Variants in CEPT1 observed in about 807,000 individuals in gnomAD.
CEPT1 encodes the protein choline/ethanolamine phosphotransferase 1.
Under a neutral mutation model 42.6 loss-of-function variants are expected in CEPT1, and 7 were observed. That is an observed-to-expected ratio of 0.16 (90% CI 0.09 to 0.31). CEPT1 has a LOEUF of 0.31. CEPT1 is among the 10% of genes least tolerant of loss of function. CEPT1 has a pLI of 1.00. For missense variants in CEPT1, 306 were observed against 502.1 expected, an observed-to-expected ratio of 0.61 and a Z score of 3.73; for synonymous variants, 171 against 171.9, an observed-to-expected ratio of 0.99 and a Z score of 0.04.
In CEPT1 at chr1:111,147,297, C is replaced by T. The variant is rs147727775; in HGVS notation, c.-73-345C>T. Among the ~76,000 whole-genome samples, 317 of 152,194 alleles carry T rather than the reference C, an allele frequency of 2.1e-3. 1 individual carries two copies. Among genetic ancestry groups the T allele is most frequent in the African/African-American group, 7.2e-3 (298 of 41,506 alleles). On this transcript the variant is annotated intron_variant, in intron 1 of 8. Coordinates refer to ENST00000357172, the MANE Select transcript of CEPT1 (RefSeq NM_006090.5). ...TTGCTAGCCTTGGGACCTCAGTTTC[C>T]GTATATGTGTAATGATGAGATGATT...
chr1:111,162,127 A>C (rs1655906340), intron 4 of CEPT1, among the ~76,000 whole-genome samples: 1 of 152,212 alleles, frequency 6.6e-6, no homozygotes, highest in Admixed American at 6.5e-5. Flanking sequence ...GTGCTCTGCC[A>C]AGAAATATGA....
intron 2 of CEPT1, among the ~76,000 whole-genome samples, chr1:111,154,280 GA>G (rs1034255216): frequency 1.3e-5 from 2 of 148,912 alleles, no homozygotes; most frequent in African/African-American, 4.9e-5. Context: ...TTGCCTTCTT[GA>G]TTTTTTTCCA....
At chr1:111,182,342 A>G (rs1343106857) in intron 6 of CEPT1, 24 bp downstream of exon 6, 1 of 1,602,606 alleles carries the variant, frequency 6.2e-7, no homozygotes, top group Non-Finnish European at 8.5e-7. Flanking sequence ...AAGATTTTCA[A>G]CACTTGTTTA....
intron 5 of CEPT1, chr1:111,178,930 G>A (rs1377321269): frequency 6.6e-6 from 1 of 152,136 alleles, no homozygotes; most frequent in African/African-American, 2.4e-5. Context: ...ATTTTCCTTT[G>A]TAGACACTGT....
chr1:111,164,522 A>C (rs1009588674), intron 4 of CEPT1, among the ~76,000 whole-genome samples: 18 of 152,236 alleles, frequency 1.2e-4, no homozygotes, highest in Non-Finnish European at 2.2e-4. Flanking sequence ...TTTATATCTT[A>C]AATTATACTG....
chr1:111,161,307 C>T lies in CEPT1; in HGVS notation c.629+11C>T. ...ATTGCGATTTGGAATGTAAGTAATA[C>T]TTAATGGTAATTTTTGTTTTCTCTT... On this transcript the variant is annotated intron_variant, in intron 4 of 8. Coordinates refer to ENST00000357172, the MANE Select transcript of CEPT1 (RefSeq NM_006090.5). 2.5e-6 allele frequency: 4 copies of T among 1,585,812 alleles called. No homozygotes were observed. Among genetic ancestry groups the T allele is most frequent in the Non-Finnish European group, 2.6e-6 (3 of 1,167,938 alleles).
chr1:111,153,068 A>G (rs1459248806), intron 2 of CEPT1, among the ~76,000 whole-genome samples: 1 of 151,518 alleles, frequency 6.6e-6, no homozygotes, highest in Non-Finnish European at 1.5e-5. Context: ...ACTAGAACTT[A>G]CTCCTCCTAC....
intron 5 of CEPT1, 83 bp from the exon 6 acceptor site, chr1:111,182,104 T>G: frequency 3.6e-6 from 4 of 1,109,546 alleles, no homozygotes; most frequent in East Asian, 5.3e-5. Flanking sequence ...GGAAAGTTTT[T>G]GGGAATATGA....
At chr1:111,168,771 G>A (rs1248400534) in intron 4 of CEPT1, among the ~76,000 whole-genome samples, 2 of 152,208 alleles carry the variant, frequency 1.3e-5, no homozygotes, top group Non-Finnish European at 2.9e-5. Flanking sequence ...ATATTTCAGT[G>A]TTGTAAATCC....
At chr1:111,146,403 A>G (rs907654122) in intron 1 of CEPT1, among the ~76,000 whole-genome samples, 1 of 152,112 alleles carries the variant, frequency 6.6e-6, no homozygotes, top group Non-Finnish European at 1.5e-5. Context: ...TTCTTTTCCA[A>G]CTTGCCCTTT....
chr1:111,149,091 T>G (rs564795271), intron 2 of CEPT1, among the ~76,000 whole-genome samples: 2 of 152,154 alleles, frequency 1.3e-5, no homozygotes, highest in African/African-American at 4.8e-5. Flanking sequence ...TTTGTCTGTT[T>G]CCATAGGTTA....
chr1:111,185,009 C>T lies in CEPT1; in HGVS notation c.*699C>T, dbSNP rs1657195372. 1 of 152,256 alleles carries T rather than the reference C, an allele frequency of 6.6e-6. No individual in the cohort carries two copies. The highest frequency in any genetic ancestry group is 1.5e-5 in the Non-Finnish European group (1 of 67,936). The allele number at this position is 152,256 out of a possible 1,614,324, so 9.4% of individuals were successfully genotyped here. A position where few individuals can be genotyped will look rare whatever the true frequency, so the allele number is the denominator to read the frequency against. On this transcript the variant is annotated 3_prime_UTR_variant, in exon 9 of 9. Transcript: ENST00000357172. Reference sequence around the variant, plus strand: ...AAGCCAACTTTTTCTCAGTTTTACTCAGTGGAAAGATAAACTAAGTTTTAA... The same window carrying T: ...AAGCCAACTTTTTCTCAGTTTTACTTAGTGGAAAGATAAACTAAGTTTTAA...
At chr1:111,156,001 T>G (rs1655550303) in intron 2 of CEPT1, among the ~76,000 whole-genome samples, 1 of 152,212 alleles carries the variant, frequency 6.6e-6, no homozygotes, top group Non-Finnish European at 1.5e-5. Context: ...ACGTTGTTTA[T>G]TTGAAATCTT....
Position 111,149,266 on chromosome 1 carries a change from C to CTTTTTTTTTTTTTTTTTTTT in CEPT1, c.339+1227_339+1228insTTTTTTTTTTTTTTTTTTTT, listed in dbSNP as rs775722606. 2.9e-3 allele frequency among the ~76,000 whole-genome samples: 366 copies of CTTTTTTTTTTTTTTTTTTTT among 127,774 alleles called. 15 individuals are homozygous for CTTTTTTTTTTTTTTTTTTTT. Among genetic ancestry groups the CTTTTTTTTTTTTTTTTTTTT allele is most frequent in the Middle Eastern group, 8.3e-3 (2 of 240 alleles). 83.8% of individuals were successfully genotyped at this position (127,774 alleles called of 152,430 possible). ...ATAGATGTAAAATCTGGTTTCTCCT[C>CTTTTTTTTTTTTTTTTTTTT]TTTTTTTTTTTTTTGAGACAGGGTC... is the stretch of plus-strand genomic sequence containing the variant. On this transcript the variant is annotated intron_variant, in intron 2 of 8. Transcript: ENST00000357172.
chr1:111,151,787 C>T (rs1655291840), intron 2 of CEPT1, among the ~76,000 whole-genome samples: 1 of 152,156 alleles, frequency 6.6e-6, no homozygotes, highest in Non-Finnish European at 1.5e-5. Flanking sequence ...CACATTTTCC[C>T]CCACAAAGAA....
chr1:111,159,559 T>C, intron 3 of CEPT1, 32 bp downstream of exon 3: 1 of 1,554,468 alleles, frequency 6.4e-7, no homozygotes, highest in Non-Finnish European at 8.8e-7. Context: ...TTATTGATTA[T>C]TAACAATGGT....
intron 5 of CEPT1, 88 bp from the exon 6 acceptor site, chr1:111,182,099 G>T (rs1657022283): frequency 9.3e-7 from 1 of 1,074,400 alleles, no homozygotes; most frequent in East Asian, 2.7e-5. Context: ...GGAATGGAAA[G>T]TTTTTGGGAA....
intron 2 of CEPT1, among the ~76,000 whole-genome samples, chr1:111,156,967 C>T (rs889214887): frequency 1.3e-5 from 2 of 152,154 alleles, no homozygotes; most frequent in African/African-American, 4.8e-5. Flanking sequence ...TTCCCATACA[C>T]TTATCAGGAC....
chr1:111,155,499 A>T (rs1189020171), intron 2 of CEPT1, among the ~76,000 whole-genome samples: 1 of 151,740 alleles, frequency 6.6e-6, no homozygotes, highest in Non-Finnish European at 1.5e-5. Context: ...CATGTGTGTC[A>T]TATATGTATA....
Sources: gnomAD v4.1 joint callset for allele counts (sites outside exome capture counted in the v4.1 genomes callset) on GRCh38, gnomAD v4.1.1 for gene constraint, MANE v1.5 for transcripts, NCBI Gene and HGNC (gene_info 2026-07-23, HGNC 2026-07-21) for gene names.